Variants in NTRK2 observed in about 807,000 individuals in gnomAD.
The protein encoded by NTRK2 is BDNF/NT-3 growth factors receptor.
NTRK2 carries 13 observed loss-of-function variants against 94.5 expected under a neutral mutation model. The observed-to-expected ratio is 0.14, with a 90% CI of 0.09 to 0.22. NTRK2 has a LOEUF of 0.22. Among genes scored for constraint, NTRK2 ranks in the 10% least tolerant of loss-of-function variants. The pLI, the probability that NTRK2 is intolerant of heterozygous loss-of-function variation, is 1.00. For missense variants in NTRK2, 639 were observed against 1,071.2 expected (o/e 0.60, Z 5.63); for synonymous variants, 372 against 407.4 (o/e 0.91, Z 1.05).
At chr9:84,920,201 G>A (rs1008211457) in intron 14 of NTRK2, among the ~76,000 whole-genome samples, 4 of 152,262 alleles carry the variant, frequency 2.6e-5, no homozygotes, top group South Asian at 2.1e-4. Flanking sequence ...TCATAAGGTG[G>A]AGGGACATTT....
At chr9:84,970,867 T>A (rs995199379) in intron 17 of NTRK2, among the ~76,000 whole-genome samples, 1 of 152,238 alleles carries the variant, frequency 6.6e-6, no homozygotes, top group African/African-American at 2.4e-5. Context: ...TAGTTTATGT[T>A]AAAATCTAGC....
chr9:84,760,813 C>T (rs1564207525), intron 12 of NTRK2, among the ~76,000 whole-genome samples: 1 of 152,166 alleles, frequency 6.6e-6, no homozygotes, highest in Non-Finnish European at 1.5e-5. Flanking sequence ...TCTAAAAACA[C>T]GACCTCATGG....
chr9:84,841,889 A>T lies in NTRK2; in HGVS notation c.1397-19151A>T, dbSNP rs1005084636. ...TGTTGAATAAATGAATGAAAGAATG[A>T]ACATCCCAGGTTGAATCTAGGGCAC... On this transcript the variant is annotated intron_variant, in intron 12 of 18. Transcript: ENST00000277120. Among the ~76,000 whole-genome samples, 238 of 152,382 alleles carry T rather than the reference A, an allele frequency of 1.6e-3. 1 individual carries two copies. Among genetic ancestry groups the T allele is most frequent in the Middle Eastern group, 3.4e-3 (1 of 294 alleles).
intron 14 of NTRK2, among the ~76,000 whole-genome samples, chr9:84,901,209 A>G (rs565935702): frequency 1.1e-4 from 16 of 147,926 alleles, no homozygotes; most frequent in Non-Finnish European, 2.1e-4. Context: ...GTTTTGTTTT[A>G]TTTTATTTTA....
intron 14 of NTRK2, chr9:84,877,425 G>A (rs1490374488): frequency 9.4e-7 from 1 of 1,065,978 alleles, no homozygotes; most frequent in Non-Finnish European, 1.1e-6. Flanking sequence ...ACTTTGAGTG[G>A]GTGGGTATGG....
At chr9:84,912,361 A>G (rs1461207834) in intron 14 of NTRK2, among the ~76,000 whole-genome samples, 3 of 152,106 alleles carry the variant, frequency 2.0e-5, no homozygotes, top group Admixed American at 6.5e-5. Flanking sequence ...GTCTCCAACT[A>G]TAATTGTGGA....
chr9:84,695,061 A>G (rs2131596506), intron 2 of NTRK2, among the ~76,000 whole-genome samples: 1 of 139,062 alleles, frequency 7.2e-6, no homozygotes, highest in South Asian at 2.5e-4. Flanking sequence ...TCTCAAAAAA[A>G]AAAAAAAAAA....
At chr9:84,799,434 A>G (rs1477217417) in intron 12 of NTRK2, among the ~76,000 whole-genome samples, 2 of 152,206 alleles carry the variant, frequency 1.3e-5, no homozygotes, top group Non-Finnish European at 2.9e-5. Flanking sequence ...CAAACAACCG[A>G]TGTGGAACAA....
At chr9:84,740,351 C>G (rs534973753) in intron 9 of NTRK2, among the ~76,000 whole-genome samples, 2 of 152,214 alleles carry the variant, frequency 1.3e-5, no homozygotes, top group African/African-American at 4.8e-5. Context: ...GCAACCCTGA[C>G]AAGACATATT....
intron 14 of NTRK2, among the ~76,000 whole-genome samples, chr9:84,920,614 G>A (rs1371506068): frequency 6.6e-6 from 1 of 152,188 alleles, no homozygotes; most frequent in Admixed American, 6.5e-5. Flanking sequence ...TCTGAGGTGA[G>A]AATTCTTCTA....
At chr9:84,933,184 A>G (rs1197196081) in intron 14 of NTRK2, among the ~76,000 whole-genome samples, 1 of 152,210 alleles carries the variant, frequency 6.6e-6, no homozygotes, top group East Asian at 1.9e-4. Context: ...AGGAGTTCAG[A>G]AAATAATACC....
At chr9:84,855,095 G>C (rs951861478) in intron 12 of NTRK2, among the ~76,000 whole-genome samples, 3 of 152,152 alleles carry the variant, frequency 2.0e-5, no homozygotes, top group African/African-American at 7.2e-5. Context: ...GAGTAGGTTG[G>C]CCTTGTCATG....
intron 17 of NTRK2, among the ~76,000 whole-genome samples, chr9:85,012,372 C>G (rs1292849494): frequency 6.6e-6 from 1 of 152,120 alleles, no homozygotes; most frequent in Non-Finnish European, 1.5e-5. Context: ...TTCTGTGAGT[C>G]TTAGCAAACA....
intron 13 of NTRK2, among the ~76,000 whole-genome samples, chr9:84,863,725 A>G (rs1266333967): frequency 1.3e-5 from 2 of 152,252 alleles, no homozygotes; most frequent in East Asian, 3.8e-4. Context: ...AGCCATATCA[A>G]TCTTCTAGGT....
intron 2 of NTRK2, among the ~76,000 whole-genome samples, chr9:84,672,368 G>C (rs1373808341): frequency 1.3e-5 from 2 of 152,206 alleles, no homozygotes; most frequent in Non-Finnish European, 2.9e-5. Context: ...AGGAGAGCAG[G>C]AGCCAAGAGC....
chr9:84,671,491 T>C (rs1564016246), intron 2 of NTRK2, among the ~76,000 whole-genome samples: 1 of 152,204 alleles, frequency 6.6e-6, no homozygotes, highest in Non-Finnish European at 1.5e-5. Context: ...GCTTAGGAGA[T>C]GGCATCCAGA....
intron 14 of NTRK2, among the ~76,000 whole-genome samples, chr9:84,891,877 A>G (rs1587843313): frequency 6.6e-6 from 1 of 152,124 alleles, no homozygotes. Context: ...CAGCTAATAT[A>G]GTCTGCTTAA....
intron 14 of NTRK2, chr9:84,876,624 A>G: frequency 2.8e-6 from 3 of 1,058,526 alleles, no homozygotes; most frequent in Non-Finnish European, 3.4e-6. Context: ...AAACATCAAT[A>G]TCTTTACCCA....
intron 17 of NTRK2, among the ~76,000 whole-genome samples, chr9:84,993,658 G>T (rs1473893099): frequency 6.6e-6 from 1 of 152,136 alleles, no homozygotes; most frequent in Non-Finnish European, 1.5e-5. Flanking sequence ...AGGGAAAAAA[G>T]TGAAATCCTT....
Sources: gnomAD v4.1 joint callset for allele counts (sites outside exome capture counted in the v4.1 genomes callset) on GRCh38, gnomAD v4.1.1 for gene constraint, MANE v1.5 for transcripts, NCBI Gene and HGNC (gene_info 2026-07-23, HGNC 2026-07-21) for gene names.